SDK1: variants seen among roughly 807,000 people sequenced by gnomAD.
SDK1 encodes the protein sidekick cell adhesion molecule 1.
In SDK1, 157 loss-of-function variants were observed where a neutral mutation model predicts 245.5. That is an observed-to-expected ratio of 0.64 (90% CI 0.56 to 0.73). SDK1 has a LOEUF of 0.73. SDK1 is among the 30% of genes least tolerant of loss of function. The pLI, the probability that SDK1 is intolerant of heterozygous loss-of-function variation, is 0.00. For synonymous variants in SDK1, 1,647 were observed against 1,278.5 expected, an observed-to-expected ratio of 1.29 and a Z score of -6.15; for missense variants, 3,583 against 3,002.3, an observed-to-expected ratio of 1.19 and a Z score of -4.52.
At position 3,808,475 on chromosome 7, in the gene SDK1, A is replaced by C. The variant is rs537691377; in HGVS notation, c.714-12975A>C. On this transcript the variant is annotated intron_variant, in intron 4 of 44. Transcript: ENST00000404826. Reference sequence around the variant, plus strand: ...GGTTCAGTGGGATTTGCTTACTGGCAACTTCTGAATAATTCCCAGCACAGG... The same window carrying C: ...GGTTCAGTGGGATTTGCTTACTGGCCACTTCTGAATAATTCCCAGCACAGG... 3.9e-5 allele frequency among the ~76,000 whole-genome samples: 6 copies of C among 152,204 alleles called. No homozygotes were observed. In the South Asian group the frequency reaches 1.2e-3, roughly 31 times the overall value.
intron 4 of SDK1, among the ~76,000 whole-genome samples, chr7:3,738,468 A>G (rs555614431): frequency 5.3e-5 from 8 of 152,346 alleles, no homozygotes; most frequent in South Asian, 2.1e-4. Context: ...TCATTTTGAT[A>G]TCAGGAAGTG....
chr7:3,741,268 A>C (rs1186219127), intron 4 of SDK1, among the ~76,000 whole-genome samples: 1 of 152,174 alleles, frequency 6.6e-6, no homozygotes, highest in Admixed American at 6.5e-5. Flanking sequence ...TGGAGTAACC[A>C]AAACTTTAGG....
At chr7:3,531,464 G>A (rs563090726) in intron 1 of SDK1, among the ~76,000 whole-genome samples, 32 of 151,864 alleles carry the variant, frequency 2.1e-4, no homozygotes, top group Middle Eastern at 3.4e-3. Context: ...ATGTCCTTTG[G>A]ACTTTTTCAC....
chr7:3,403,880 T>A (rs1023112378), intron 1 of SDK1, among the ~76,000 whole-genome samples: 3,578 of 119,636 alleles, frequency 0.03, 288 homozygotes, highest in African/African-American at 0.099. Flanking sequence ...ATATATATAT[T>A]TATTTATATT....
intron 1 of SDK1, among the ~76,000 whole-genome samples, chr7:3,320,609 C>G (rs981145948): frequency 6.6e-6 from 1 of 152,146 alleles, no homozygotes; most frequent in Non-Finnish European, 1.5e-5. Flanking sequence ...AGCTTATGGT[C>G]TTTCTAGATT....
At chr7:3,896,374 C>G (rs897003281) in intron 5 of SDK1, among the ~76,000 whole-genome samples, 7 of 152,160 alleles carry the variant, frequency 4.6e-5, no homozygotes, top group African/African-American at 7.2e-5. Flanking sequence ...CTTGTGTGGG[C>G]TGTCAGGATT....
intron 1 of SDK1, among the ~76,000 whole-genome samples, chr7:3,593,512 C>T (rs930340254): frequency 3.3e-5 from 5 of 152,198 alleles, no homozygotes. Context: ...TTGAAGAAAA[C>T]TTTGAAGACA....
chr7:3,505,316 A>C (rs889320549), intron 1 of SDK1, among the ~76,000 whole-genome samples: 1 of 152,112 alleles, frequency 6.6e-6, no homozygotes, highest in African/African-American at 2.4e-5. Flanking sequence ...GCATGATGAG[A>C]GGTAACTGCA....
intron 35 of SDK1, among the ~76,000 whole-genome samples, chr7:4,205,072 A>G (rs1439576561): frequency 1.3e-5 from 1 of 78,904 alleles, no homozygotes; most frequent in Non-Finnish European, 2.5e-5. Context: ...GCAGCCCTGC[A>G]GACGCAGACA....
At chr7:3,608,395 A>G (rs555826147) in intron 1 of SDK1, among the ~76,000 whole-genome samples, 2 of 152,282 alleles carry the variant, frequency 1.3e-5, no homozygotes, top group East Asian at 1.9e-4. Flanking sequence ...TGACAGAAAA[A>G]CTATGGTAAT....
intron 2 of SDK1, among the ~76,000 whole-genome samples, chr7:3,623,611 G>A (rs987979270): frequency 6.6e-6 from 1 of 152,106 alleles, no homozygotes; most frequent in Admixed American, 6.6e-5. Flanking sequence ...TTAGCAAGTT[G>A]ACGGTAATTC....
At chr7:3,883,191 C>A (rs1031911212) in intron 5 of SDK1, among the ~76,000 whole-genome samples, 1 of 152,188 alleles carries the variant, frequency 6.6e-6, no homozygotes, top group Non-Finnish European at 1.5e-5. Context: ...CCCACACACA[C>A]AGGCTTCGAC....
At chr7:3,382,832 C>T (rs1322639294) in intron 1 of SDK1, among the ~76,000 whole-genome samples, 1 of 151,898 alleles carries the variant, frequency 6.6e-6, no homozygotes, top group African/African-American at 2.4e-5. Context: ...TGGTAGTCCC[C>T]CAAGAGATAC....
chr7:3,665,366 A>T (rs184134384), intron 4 of SDK1, among the ~76,000 whole-genome samples: 1 of 152,362 alleles, frequency 6.6e-6, no homozygotes, highest in South Asian at 2.1e-4. Flanking sequence ...GCATGAATCT[A>T]CATATCAGTT....
intron 4 of SDK1, among the ~76,000 whole-genome samples, chr7:3,743,571 C>T (rs958032529): frequency 3.4e-4 from 52 of 152,166 alleles, no homozygotes; most frequent in African/African-American, 9.9e-4. Flanking sequence ...ATGGGTGTGC[C>T]GGGATACAGA....
At chr7:3,560,784 C>T (rs1309626892) in intron 1 of SDK1, among the ~76,000 whole-genome samples, 1 of 152,192 alleles carries the variant, frequency 6.6e-6, no homozygotes, top group Non-Finnish European at 1.5e-5. Flanking sequence ...CCCAGCTCTG[C>T]TCTTCCAGCC....
chr7:4,152,243 A>C (rs890505786), intron 30 of SDK1, among the ~76,000 whole-genome samples: 10 of 152,140 alleles, frequency 6.6e-5, no homozygotes, highest in African/African-American at 2.2e-4. Context: ...TTGCCCTTTG[A>C]GCTACAGCAA....
chr7:3,317,790 TG>T (rs1779700211), intron 1 of SDK1, among the ~76,000 whole-genome samples: 1 of 152,198 alleles, frequency 6.6e-6, no homozygotes, highest in East Asian at 1.9e-4. Context: ...ATAAGTATTT[TG>T]TTGTTCATAA....
At position 4,268,525 on chromosome 7, in the gene SDK1, C is replaced by T; in HGVS notation, c.*3141C>T. On this transcript the variant is annotated 3_prime_UTR_variant, in exon 45 of 45. Coordinates refer to ENST00000404826, the MANE Select transcript of SDK1 (RefSeq NM_152744.4). The stretch of plus-strand genomic sequence containing the variant: ...GGGAGAGGGGACCCAGATGGCCACA[C>T]ACGGAACGCGCCTCCACAGCCCCGG... The T allele has an allele frequency of 2.4e-6, 3 of 1,234,224 alleles. No individual in the cohort carries two copies. The highest frequency in any genetic ancestry group is 3.1e-6 in the Non-Finnish European group (3 of 956,660). 76.5% of individuals were successfully genotyped at this position (1,234,224 alleles called of 1,614,324 possible). A position where few individuals can be genotyped will look rare whatever the true frequency, so the allele number is the denominator to read the frequency against.
Sources: allele counts gnomAD v4.1 joint callset (sites outside exome capture counted in the v4.1 genomes callset), GRCh38; gene constraint gnomAD v4.1.1; transcripts MANE v1.5; gene names NCBI Gene and HGNC (gene_info 2026-07-23, HGNC 2026-07-21).